Variants in C10orf143 observed in about 807,000 individuals in gnomAD.
The protein encoded by C10orf143 is chromosome 10 open reading frame 143.
intron 3 of C10orf143, among the ~76,000 whole-genome samples, chr10:130,039,148 G>A (rs1860577990): frequency 6.6e-6 from 1 of 151,632 alleles, no homozygotes; most frequent in Non-Finnish European, 1.5e-5. Flanking sequence ...GGTGACACTA[G>A]CCCAGCCAGT....
At position 130,045,429 on chromosome 10, in the gene C10orf143, G is replaced by T. The variant is rs553341737; in HGVS notation, c.298-9459C>A. 2.0e-5 allele frequency among the ~76,000 whole-genome samples: 3 copies of T among 152,324 alleles called. No individual in the cohort carries two copies. The South Asian group carries it at 6.2e-4, about 32-fold the overall frequency. ...AAACTAGCAGGTGACGAACCATACAGCCCCAACTCTGCTGCCCCGCCCACA... is the reference window on the plus strand; with the variant it reads ...AAACTAGCAGGTGACGAACCATACATCCCCAACTCTGCTGCCCCGCCCACA... On this transcript the variant is annotated intron_variant and NMD_transcript_variant, in intron 3 of 5. Coordinates refer to the C10orf143 transcript ENST00000643056.
At chr10:130,080,869 G>A (rs983666945) in intron 1 of C10orf143, among the ~76,000 whole-genome samples, 26 of 152,286 alleles carry the variant, frequency 1.7e-4, no homozygotes, top group East Asian at 1.4e-3. Context: ...TGGGAGATGA[G>A]GGAAAAGGAA....
chr10:130,102,040 G>A (rs905090345), intron 1 of C10orf143, among the ~76,000 whole-genome samples: 4 of 152,046 alleles, frequency 2.6e-5, no homozygotes, highest in African/African-American at 9.7e-5. Context: ...GCTGAAGCCA[G>A]GCAGATTGCT....
At chr10:130,069,402 C>T (rs1166668113) in intron 3 of C10orf143, among the ~76,000 whole-genome samples, 2 of 152,182 alleles carry the variant, frequency 1.3e-5, no homozygotes, top group Admixed American at 1.3e-4. Context: ...GAAAATCTGT[C>T]GCTAGAAGAC....
intron 1 of C10orf143, among the ~76,000 whole-genome samples, chr10:130,099,553 T>C (rs1180115972): frequency 2.1e-5 from 3 of 144,446 alleles, no homozygotes; most frequent in African/African-American, 7.6e-5. Context: ...TTTATTTATT[T>C]TGAGACACAG....
At chr10:130,090,631 C>A (rs576988683) in intron 1 of C10orf143, among the ~76,000 whole-genome samples, 1 of 152,264 alleles carries the variant, frequency 6.6e-6, no homozygotes, top group South Asian at 2.1e-4. Flanking sequence ...TGGATCCCAC[C>A]CCCAAGGAGC....
intron 1 of C10orf143, chr10:130,106,211 C>A: frequency 8.3e-7 from 1 of 1,203,842 alleles, no homozygotes; most frequent in Non-Finnish European, 1.2e-6. Context: ...TTTTGCTGTT[C>A]TCCTTTTTCT....
chr10:130,088,401 T>C (rs1590026690), intron 1 of C10orf143, among the ~76,000 whole-genome samples: 4 of 152,176 alleles, frequency 2.6e-5, no homozygotes, highest in African/African-American at 9.6e-5. Flanking sequence ...ATAAATTATA[T>C]AAATAAAATA....
At chr10:130,048,078 C>T (rs181793373) in intron 3 of C10orf143, among the ~76,000 whole-genome samples, 110 of 152,360 alleles carry the variant, frequency 7.2e-4, no homozygotes, top group African/African-American at 2.6e-3. Context: ...AGTCATGGGG[C>T]ATCACAGGCC....
chr10:130,047,231 G>A (rs1278456691), intron 3 of C10orf143, among the ~76,000 whole-genome samples: 1 of 152,238 alleles, frequency 6.6e-6, no homozygotes, highest in African/African-American at 2.4e-5. Flanking sequence ...GGGGAGCCTG[G>A]TGTGGACCCC....
chr10:130,080,002 T>A (rs1861180884), intron 1 of C10orf143, 101 bp from the exon 2 acceptor site: 1 of 397,942 alleles, frequency 2.5e-6, no homozygotes, highest in Non-Finnish European at 4.4e-6. Flanking sequence ...CAGACCCCTG[T>A]GGAGCTGGAA....
chr10:130,036,911 A>C (rs1164950957), intron 3 of C10orf143, among the ~76,000 whole-genome samples: 1 of 151,754 alleles, frequency 6.6e-6, no homozygotes, highest in African/African-American at 2.4e-5. Flanking sequence ...AGGGGCTGCA[A>C]CTAGGTGGGC....
chr10:130,091,769 T>TAC, intron 1 of C10orf143, among the ~76,000 whole-genome samples: 1 of 152,146 alleles, frequency 6.6e-6, no homozygotes, highest in Admixed American at 6.5e-5. Context: ...TCATGAAGCA[T>TAC]ACACAAGTAT....
rs1860891911 is a variant in C10orf143 at position 130,064,178 on chromosome 10, G to A, written c.*176C>T. ...TGGATTCTCCTGGCTCTCGTGCAGA[G>A]GATGGTGGATTTACTAGAATGAAAG... On this transcript the variant is annotated 3_prime_UTR_variant, in exon 4 of 4. Transcript: ENST00000637128. 2 of 391,942 alleles carry A rather than the reference G, an allele frequency of 5.1e-6. No homozygotes were observed. Among genetic ancestry groups the A allele is most frequent in the South Asian group, 2.9e-4 (2 of 6,982 alleles). 24.3% of individuals were successfully genotyped at this position (391,942 alleles called of 1,614,324 possible).
chr10:130,083,629 C>A (rs78156567), intron 1 of C10orf143, among the ~76,000 whole-genome samples: 5,033 of 152,094 alleles, frequency 0.033, 217 homozygotes, highest in East Asian at 0.11. Context: ...TAAGTGAAAA[C>A]AACAAAGTGC....
intron 3 of C10orf143, among the ~76,000 whole-genome samples, chr10:130,037,207 C>T (rs1860554343): frequency 6.6e-6 from 1 of 152,198 alleles, no homozygotes; most frequent in Non-Finnish European, 1.5e-5. Context: ...GGGTGAGCAA[C>T]AAGGCTTCTT....
At position 130,053,363 on chromosome 10, in the gene C10orf143, G is replaced by C. The variant is rs556946211; in HGVS notation, c.298-17393C>G. Among the ~76,000 whole-genome samples, 150 of 152,302 alleles carry C rather than the reference G, an allele frequency of 9.8e-4. 1 individual carries two copies. Among genetic ancestry groups the C allele is most frequent in the African/African-American group, 3.2e-3 (133 of 41,570 alleles). Reference sequence around the variant, plus strand: ...TGGGATTACAGGCGTGAGCCACCACGCCCGGCCAAAGTTGCTAAGTTTTTA... The same window carrying C: ...TGGGATTACAGGCGTGAGCCACCACCCCCGGCCAAAGTTGCTAAGTTTTTA... On this transcript the variant is annotated intron_variant and NMD_transcript_variant, in intron 3 of 5. Transcript: ENST00000643056.
intron 1 of C10orf143, among the ~76,000 whole-genome samples, chr10:130,092,951 TC>T (rs1306940907): frequency 6.6e-6 from 1 of 152,098 alleles, no homozygotes; most frequent in Non-Finnish European, 1.5e-5. Context: ...AGATTTAGAC[TC>T]CCACACAATA....
rs1158229781 is a variant in C10orf143 at position 130,065,755 on chromosome 10, G to A, written c.298-1372C>T. 1.3e-5 allele frequency: 2 copies of A among 152,378 alleles called. No homozygotes were observed. Among genetic ancestry groups the A allele is most frequent in the East Asian group, 3.9e-4 (2 of 5,184 alleles). The allele number at this position is 152,378 out of a possible 1,614,324, so 9.4% of individuals were successfully genotyped here. ...TCAAGTCTCTAAAAGGCAGGGGAAAGTATGTAGCATTTCCTGAACTTCTCT... is the reference window on the plus strand; with the variant it reads ...TCAAGTCTCTAAAAGGCAGGGGAAAATATGTAGCATTTCCTGAACTTCTCT... On this transcript the variant is annotated intron_variant, in intron 3 of 3. Transcript: ENST00000637128. This position sits in a 1 kb window ranked among gnomAD's most constrained non-coding sequence, Gnocchi z 4.2.
Sources: allele counts gnomAD v4.1 joint callset (sites outside exome capture counted in the v4.1 genomes callset), GRCh38; gene constraint gnomAD v4.1.1; non-coding constraint Gnocchi (gnomAD v3.1); transcripts MANE v1.5; gene names NCBI Gene and HGNC (gene_info 2026-07-23, HGNC 2026-07-21).